SPSB1: variants seen among roughly 807,000 people sequenced by gnomAD.
The protein encoded by SPSB1 is splA/ryanodine receptor domain and SOCS box containing 1, also known as SPRY domain-containing SOCS box protein 1.
A neutral mutation model predicts 21.2 loss-of-function variants in SPSB1; 8 were observed. The observed-to-expected ratio is 0.38, with a 90% CI of 0.22 to 0.68. The LOEUF is 0.68. Ranked by LOEUF, SPSB1 falls within the 30% of genes least tolerant of loss-of-function variation. SPSB1 has a pLI of 0.53. For synonymous variants in SPSB1, 169 were observed against 161.7 expected (o/e 1.05, Z -0.34); for missense variants, 242 against 377.8 (o/e 0.64, Z 2.98).
chr1:9,311,131 A>C (rs1281917993), intron 1 of SPSB1, among the ~76,000 whole-genome samples: 1 of 147,872 alleles, frequency 6.8e-6, no homozygotes, highest in South Asian at 2.2e-4. Context: ...CGCCACTCTC[A>C]GGGGTGTCTA....
At chr1:9,304,785 C>T (rs1385375009) in intron 1 of SPSB1, among the ~76,000 whole-genome samples, 2 of 152,112 alleles carry the variant, frequency 1.3e-5, no homozygotes, top group African/African-American at 4.8e-5. Flanking sequence ...GCAATCCTCC[C>T]ACCTCAGCCC....
chr1:9,357,405 T>C (rs151267368), intron 2 of SPSB1, among the ~76,000 whole-genome samples: 64 of 152,360 alleles, frequency 4.2e-4, no homozygotes, highest in Admixed American at 1.8e-3. Flanking sequence ...TTTGTTTCTC[T>C]GGGTGACCTG....
At chr1:9,303,471 C>A (rs1389710582) in intron 1 of SPSB1, among the ~76,000 whole-genome samples, 1 of 152,204 alleles carries the variant, frequency 6.6e-6, no homozygotes, top group Non-Finnish European at 1.5e-5. Flanking sequence ...CTATTTTGTT[C>A]AGAATACGGT....
In SPSB1 at chr1:9,367,337, T is replaced by C; in HGVS notation, c.695-111T>C. The stretch of plus-strand genomic sequence containing the variant: ...AAAGCATTGCATTTTTCATTGTTTC[T>C]TTACTGATTTGAGTGAATACTAATC... On this transcript the variant is annotated intron_variant, in intron 2 of 2. Coordinates refer to ENST00000328089, the MANE Select transcript of SPSB1 (RefSeq NM_025106.4). The surrounding 1 kb of genome is among the most constrained non-coding windows in gnomAD (Gnocchi z 5.9). 1 of 1,549,192 alleles carries C rather than the reference T, an allele frequency of 6.5e-7. No homozygotes were observed. The highest frequency in any genetic ancestry group is 8.8e-7 in the Non-Finnish European group (1 of 1,135,424).
intron 1 of SPSB1, among the ~76,000 whole-genome samples, chr1:9,308,618 T>C (rs1458921201): frequency 6.6e-6 from 1 of 152,164 alleles, no homozygotes; most frequent in Admixed American, 6.5e-5. Context: ...CATGTATTGA[T>C]TGAATGTGTG....
intron 1 of SPSB1, among the ~76,000 whole-genome samples, chr1:9,349,739 G>A (rs751607761): frequency 6.6e-6 from 1 of 152,246 alleles, no homozygotes; most frequent in Non-Finnish European, 1.5e-5. Context: ...AGTTGTGTGA[G>A]GAAGGTCCTT....
intron 1 of SPSB1, among the ~76,000 whole-genome samples, chr1:9,353,964 G>A (rs1329420129): frequency 6.6e-6 from 1 of 152,112 alleles, no homozygotes; most frequent in East Asian, 1.9e-4. Flanking sequence ...AAAGGGGAGG[G>A]CGAGAAGCAT....
At position 9,356,706 on chromosome 1, in the gene SPSB1, A is replaced by G. The variant is rs1640369139; in HGVS notation, c.694+121A>G. The stretch of plus-strand genomic sequence containing the variant: ...TGTTTTGAAGACGATATTCCAGTGT[A>G]TTCAGACCCTCAGAGGCAACTTTTG... On this transcript the variant is annotated intron_variant, in intron 2 of 2. Transcript: ENST00000328089. The surrounding 1 kb of genome is among the most constrained non-coding windows in gnomAD (Gnocchi z 7.4). 7.0e-7 allele frequency: 1 copy of G among 1,431,736 alleles called. No homozygotes were observed. Among genetic ancestry groups the G allele is most frequent in the Non-Finnish European group, 9.1e-7 (1 of 1,093,368 alleles). The allele number at this position is 1,431,736 out of a possible 1,614,324, so 88.7% of individuals were successfully genotyped here.
In SPSB1 at chr1:9,293,124, G is replaced by T. The variant is rs867574092; in HGVS notation, c.-150+53G>T. On this transcript the variant is annotated intron_variant, in intron 1 of 2. Transcript: ENST00000328089. The surrounding 1 kb of genome is among the most constrained non-coding windows in gnomAD (Gnocchi z 5.1). ...CGATGGGTGGGCGACCGGCCCGGGA[G>T]GGGGAGGCGCGGGGGGCCGGGCGAG... 1.9e-5 allele frequency: 19 copies of T among 977,836 alleles called. No individual in the cohort carries two copies. The highest frequency in any genetic ancestry group is 7.1e-5 in the African/African-American group (4 of 56,632). The allele number at this position is 977,836 out of a possible 1,614,324, so 60.6% of individuals were successfully genotyped here. A position where few individuals can be genotyped will look rare whatever the true frequency, so the allele number is the denominator to read the frequency against.
chr1:9,335,916 G>A (rs917845583), intron 1 of SPSB1, among the ~76,000 whole-genome samples: 3 of 152,178 alleles, frequency 2.0e-5, no homozygotes, highest in Non-Finnish European at 2.9e-5. Context: ...CAGTAGTAAC[G>A]ATAGCTACCA....
At chr1:9,296,617 T>C (rs67551275) in intron 1 of SPSB1, among the ~76,000 whole-genome samples, 65,857 of 152,036 alleles carry the variant, frequency 0.43, 14,694 homozygotes, top group Middle Eastern at 0.51. Context: ...TGCACACACA[T>C]ATATGCACAC....
intron 1 of SPSB1, among the ~76,000 whole-genome samples, chr1:9,338,205 T>C (rs902783584): frequency 1.4e-4 from 21 of 152,198 alleles, no homozygotes; most frequent in African/African-American, 4.8e-4. Flanking sequence ...AGCTCTCCCC[T>C]ACCCCGTTTC....
At chr1:9,350,065 C>G (rs1405506997) in intron 1 of SPSB1, among the ~76,000 whole-genome samples, 1 of 152,066 alleles carries the variant, frequency 6.6e-6, no homozygotes, top group Non-Finnish European at 1.5e-5. Flanking sequence ...CATCCAGACA[C>G]ACCACACACA....
At chr1:9,307,849 A>G (rs9442562) in intron 1 of SPSB1, among the ~76,000 whole-genome samples, 80,282 of 151,982 alleles carry the variant, frequency 0.53, 22,002 homozygotes, top group Middle Eastern at 0.61. Context: ...TTGTAAATCC[A>G]TGATGTGGTC....
At chr1:9,338,215 C>T (rs370097632) in intron 1 of SPSB1, among the ~76,000 whole-genome samples, 1 of 152,200 alleles carries the variant, frequency 6.6e-6, no homozygotes, top group African/African-American at 2.4e-5. Flanking sequence ...TACCCCGTTT[C>T]TTCAGGCTTC....
chr1:9,362,138 C>T (rs2100521294), intron 2 of SPSB1, among the ~76,000 whole-genome samples: 1 of 152,332 alleles, frequency 6.6e-6, no homozygotes, highest in East Asian at 1.9e-4. Context: ...CTGCCGGGAG[C>T]TACTCATCGG....
Position 9,345,597 on chromosome 1 carries a change from C to T in SPSB1, c.-149-10146C>T, listed in dbSNP as rs995284605. Among the ~76,000 whole-genome samples the T allele has an allele frequency of 4.6e-5, 7 of 152,114 alleles. No homozygotes were observed. Among genetic ancestry groups the T allele is most frequent in the African/African-American group, 9.7e-5 (4 of 41,410 alleles). ...CGCCACCCTGACTAAGCTACAGCTG[C>T]GATATATTGTAATTTTCAGTCTGTT... On this transcript the variant is annotated intron_variant, in intron 1 of 2. Transcript: ENST00000328089. The surrounding 1 kb of genome is among the most constrained non-coding windows in gnomAD (Gnocchi z 4.8).
chr1:9,317,641 A>G lies in SPSB1; in HGVS notation c.-150+24570A>G, dbSNP rs1007071799. Among the ~76,000 whole-genome samples, 1 of 151,858 alleles carries G rather than the reference A, an allele frequency of 6.6e-6. No individual in the cohort carries two copies. The highest frequency in any genetic ancestry group is 2.4e-5 in the African/African-American group (1 of 41,296). On this transcript the variant is annotated intron_variant, in intron 1 of 2. Coordinates refer to ENST00000328089, the MANE Select transcript of SPSB1 (RefSeq NM_025106.4). The surrounding 1 kb of genome is among the most constrained non-coding windows in gnomAD (Gnocchi z 4.3). ...TGCACTACCACGCCCAGATATATAT[A>G]TATTTTTGTATTTTGTATTTTTTGT... is the stretch of plus-strand genomic sequence containing the variant.
chr1:9,347,918 C>T (rs2100507527), intron 1 of SPSB1, among the ~76,000 whole-genome samples: 1 of 151,806 alleles, frequency 6.6e-6, no homozygotes, highest in African/African-American at 2.4e-5. Context: ...GTCCTTTCCC[C>T]ACCTTCTTTG....
Sources: allele counts gnomAD v4.1 joint callset (sites outside exome capture counted in the v4.1 genomes callset), GRCh38; gene constraint gnomAD v4.1.1; non-coding constraint Gnocchi (gnomAD v3.1); transcripts MANE v1.5; gene names NCBI Gene and HGNC (gene_info 2026-07-23, HGNC 2026-07-21).